The following IRAK1BP1 variants were observed in gnomAD, a reference collection of about 807,000 sequenced individuals.
IRAK1BP1 encodes the protein interleukin-1 receptor-associated kinase 1-binding protein 1.
A neutral mutation model predicts 28.0 loss-of-function variants in IRAK1BP1; 24 were observed. The observed-to-expected ratio is 0.86, with a 90% CI of 0.62 to 1.20. The LOEUF is 1.20. IRAK1BP1 is among the 50% of genes most tolerant of loss of function. The pLI is 0.00. For synonymous variants in IRAK1BP1, 131 were observed against 116.3 expected (o/e 1.13, Z -0.81); for missense variants, 336 against 316.7 (o/e 1.06, Z -0.46).
rs769848206 is a variant in IRAK1BP1 at position 78,867,878 on chromosome 6, A to T, written c.302A>T (p.Gln101Leu). Reference sequence around the variant, plus strand: ...GATTACATCACGCAGAGCCTCCAGCAGCAGGGCGTGCAGGTGAGATCTCCG... The same window carrying T: ...GATTACATCACGCAGAGCCTCCAGCTGCAGGGCGTGCAGGTGAGATCTCCG... ...RLDYITQSLQ[Q>L]QGVQAENITV... Residue 101 changes from glutamine (Q) to leucine (L), a missense_variant, in exon 1 of 4, where the codon CAG becomes CTG. Gln to Leu is a moderately radical substitution (Grantham distance 113). Coordinates refer to ENST00000369940, the MANE Select transcript of IRAK1BP1 (RefSeq NM_001010844.4). The T allele has an allele frequency of 6.3e-7, 1 of 1,595,688 alleles. No homozygotes were observed. Among genetic ancestry groups the T allele is most frequent in the East Asian group, 2.3e-5 (1 of 43,996 alleles).
chr6:78,977,658 A>T, the IRAK1BP1 span, among the ~76,000 whole-genome samples: 3 of 152,178 alleles, frequency 2.0e-5, no homozygotes, highest in Non-Finnish European at 4.4e-5. Flanking sequence ...AAGGAATTAC[A>T]AACTTTTCTG....
At chr6:78,903,248 C>T (rs1338452776), downstream of IRAK1BP1, 19 of 482,342 alleles carry the variant, frequency 3.9e-5, no homozygotes, top group Admixed American at 3.5e-4. Context: ...TTCGGGAGGC[C>T]GAGGCAGGTG....
chr6:78,954,385 C>T, the IRAK1BP1 span, among the ~76,000 whole-genome samples: 1 of 152,188 alleles, frequency 6.6e-6, no homozygotes, highest in Admixed American at 6.5e-5. Flanking sequence ...GGATTACTGG[C>T]ATGAGCCACC....
chr6:78,934,833 TCC>T (rs1773206781), intron 4 of IRAK1BP1, among the ~76,000 whole-genome samples: 1 of 152,190 alleles, frequency 6.6e-6, no homozygotes, highest in South Asian at 2.1e-4. Flanking sequence ...AATTCCCATT[TCC>T]CAACTCCAGG....
chr6:78,912,786 A>G lies in IRAK1BP1; in HGVS notation c.*67+9676A>G, dbSNP rs144604245. ...AATCTTTGAAATATTACAAATTATT[A>G]TCGTATGAAGAGACAAAGAATATGC... On this transcript the variant is annotated intron_variant and NMD_transcript_variant, in intron 4 of 4. Coordinates refer to the IRAK1BP1 transcript ENST00000606868. Among the ~76,000 whole-genome samples, 98 of 152,366 alleles carry G rather than the reference A, an allele frequency of 6.4e-4. 1 individual carries two copies. In the South Asian group the frequency reaches 8.1e-3, roughly 13 times the overall value.
the IRAK1BP1 span, among the ~76,000 whole-genome samples, chr6:78,975,218 T>C: frequency 6.6e-6 from 1 of 151,894 alleles, no homozygotes; most frequent in Non-Finnish European, 1.5e-5. Flanking sequence ...GCTGGTTCAA[T>C]ATACGCAAAT....
the IRAK1BP1 span, among the ~76,000 whole-genome samples, chr6:78,973,142 G>C: frequency 2.0e-3 from 299 of 152,146 alleles, 1 homozygote; most frequent in Middle Eastern, 3.4e-3. Context: ...GTCGGGTTAC[G>C]CTCAAAGGGA....
chr6:78,959,498 A>G, the IRAK1BP1 span, among the ~76,000 whole-genome samples: 3 of 151,008 alleles, frequency 2.0e-5, no homozygotes, highest in Admixed American at 6.6e-5. Context: ...TAATAGTTTA[A>G]CAAGAGATTG....
chr6:78,963,328 AAC>A, the IRAK1BP1 span: 1 of 1,126,456 alleles, frequency 8.9e-7, no homozygotes, highest in Non-Finnish European at 1.3e-6. Flanking sequence ...ATGTAAAAAT[AAC>A]AGTCACAAAA....
chr6:78,921,669 T>TC (rs1054577091), intron 4 of IRAK1BP1, among the ~76,000 whole-genome samples: 9 of 152,136 alleles, frequency 5.9e-5, no homozygotes, highest in Non-Finnish European at 1.0e-4. Context: ...CTGGGAGGCA[T>TC]CCCCCAGTAG....
the IRAK1BP1 span, among the ~76,000 whole-genome samples, chr6:78,971,703 T>C: frequency 2.2e-4 from 33 of 152,228 alleles, no homozygotes; most frequent in African/African-American, 7.0e-4. Flanking sequence ...GGGTGAGGCA[T>C]TGCCTCACTC....
chr6:78,871,050 G>T (rs1324109208), intron 1 of IRAK1BP1, among the ~76,000 whole-genome samples: 1 of 151,874 alleles, frequency 6.6e-6, no homozygotes, highest in African/African-American at 2.4e-5. Context: ...AGTTTGTTTG[G>T]TCTGCTGTAA....
intron 1 of IRAK1BP1, among the ~76,000 whole-genome samples, chr6:78,870,407 T>A (rs927771449): frequency 2.6e-5 from 4 of 152,204 alleles, no homozygotes; most frequent in African/African-American, 9.6e-5. Flanking sequence ...CTCCTCCATA[T>A]TCTAAACTTC....
At chr6:78,931,026 G>A (rs1193410562) in intron 4 of IRAK1BP1, among the ~76,000 whole-genome samples, 1 of 151,954 alleles carries the variant, frequency 6.6e-6, no homozygotes. Flanking sequence ...TATCTTAATC[G>A]AATGATTAAT....
At chr6:78,937,542 G>A (rs372130247) in intron 4 of IRAK1BP1, 1 of 151,644 alleles carries the variant, frequency 6.6e-6, no homozygotes, top group Non-Finnish European at 1.5e-5. Flanking sequence ...TCAATCCCAA[G>A]TCTCAGATGT....
chr6:78,926,081 T>C (rs185956157), intron 4 of IRAK1BP1, among the ~76,000 whole-genome samples: 1 of 152,058 alleles, frequency 6.6e-6, no homozygotes, highest in Admixed American at 6.6e-5. Flanking sequence ...TGCTCAATAT[T>C]AGTAATCATC....
chr6:78,883,949 T>C (rs1422008954), intron 1 of IRAK1BP1, among the ~76,000 whole-genome samples: 3 of 152,090 alleles, frequency 2.0e-5, no homozygotes, highest in Admixed American at 6.6e-5. Context: ...TTGGATACTA[T>C]CTATGGTTTC....
rs972112863 is a variant in IRAK1BP1 at position 78,897,399 on chromosome 6, A to G, written c.382-430A>G. 2.6e-5 allele frequency among the ~76,000 whole-genome samples: 4 copies of G among 152,154 alleles called. 1 individual carries two copies. In the South Asian group the frequency reaches 8.3e-4, roughly 32 times the overall value. ...CAGAGTGAAATACATTAGCTTCCAC[A>G]TATAGATCTGAACAGAACTATTGGA... On this transcript the variant is annotated intron_variant, in intron 2 of 3. Transcript: ENST00000369940.
At chr6:78,926,925 C>T (rs1208573691) in intron 4 of IRAK1BP1, among the ~76,000 whole-genome samples, 1 of 152,080 alleles carries the variant, frequency 6.6e-6, no homozygotes, top group Non-Finnish European at 1.5e-5. Context: ...ATATGTACCA[C>T]ATTTTGTTAT....
Sources: gnomAD v4.1 joint callset for allele counts (sites outside exome capture counted in the v4.1 genomes callset) on GRCh38, gnomAD v4.1.1 for gene constraint, MANE v1.5 for transcripts, NCBI Gene and HGNC (gene_info 2026-07-23, HGNC 2026-07-21) for gene names.